The following PPP2R2D variants were observed in gnomAD, a reference collection of about 807,000 sequenced individuals.
PPP2R2D encodes the protein serine/threonine-protein phosphatase 2A 55 kDa regulatory subunit B delta isoform.
Under a neutral mutation model 31.1 loss-of-function variants are expected in PPP2R2D, and 9 were observed. The observed-to-expected ratio is 0.29, with a 90% CI of 0.17 to 0.51. The LOEUF (loss-of-function observed/expected upper bound fraction) is 0.51, where lower values mean the gene tolerates loss of function less well. PPP2R2D is among the 20% of genes least tolerant of loss of function. The probability of loss-of-function intolerance (pLI) is 0.98; values close to 1 mark genes in which losing one functional copy is unlikely to be tolerated. For synonymous variants in PPP2R2D, 179 were observed against 172.6 expected (o/e 1.04, Z -0.29); for missense variants, 391 against 465.6 (o/e 0.84, Z 1.48).
intron 2 of PPP2R2D, among the ~76,000 whole-genome samples, chr10:131,915,123 A>G (rs1208556921): frequency 6.6e-6 from 1 of 151,810 alleles, no homozygotes; most frequent in Admixed American, 6.6e-5. Context: ...TCTGTTCCAG[A>G]ATCTAGAATG....
chr10:131,970,691 C>G, the PPP2R2D span: 5 of 1,614,188 alleles, frequency 3.1e-6, no homozygotes, highest in Middle Eastern at 8.2e-4. This position sits in a 1 kb window ranked among gnomAD's most constrained non-coding sequence, Gnocchi z 4.1. Context: ...GGAAAACTTT[C>G]AGAAATTCTG....
rs976214439 is a variant in PPP2R2D at position 131,959,396 on chromosome 10, C to A, written c.*3433C>A. On this transcript the variant is annotated 3_prime_UTR_variant, in exon 9 of 9. Coordinates refer to ENST00000455566, the MANE Select transcript of PPP2R2D (RefSeq NM_018461.5). ...AGGCGTGTGCTGATCCGCCATCCCA[C>A]TGTGGAGATGAAGGTGTGTGCTGAT... 1 of 144,924 alleles carries A rather than the reference C, an allele frequency of 6.9e-6. No individual in the cohort carries two copies. Among genetic ancestry groups the A allele is most frequent in the African/African-American group, 2.6e-5 (1 of 37,942 alleles). The allele number at this position is 144,924 out of a possible 1,614,324, so 9.0% of individuals were successfully genotyped here.
intron 8 of PPP2R2D, among the ~76,000 whole-genome samples, chr10:131,952,514 T>C (rs113236071): frequency 6.5e-4 from 30 of 46,114 alleles, no homozygotes; most frequent in African/African-American, 2.8e-3. Flanking sequence ...TAGTGACTTG[T>C]GGGTGTGCGG....
At chr10:131,942,098 G>A (rs2036452799) in intron 5 of PPP2R2D, among the ~76,000 whole-genome samples, 1 of 152,044 alleles carries the variant, frequency 6.6e-6, no homozygotes. Context: ...CCCCGAGGGT[G>A]GGCACTTGAC....
intron 2 of PPP2R2D, among the ~76,000 whole-genome samples, chr10:131,917,971 G>T (rs1554893498): frequency 7.1e-6 from 1 of 141,804 alleles, no homozygotes; most frequent in African/African-American, 2.7e-5. Flanking sequence ...CCTCACACGG[G>T]TGGAATGACA....
At chr10:131,952,877 T>G (rs78468034) in intron 8 of PPP2R2D, among the ~76,000 whole-genome samples, 19 of 32,190 alleles carry the variant, frequency 5.9e-4, no homozygotes, top group South Asian at 9.7e-4. Flanking sequence ...CCCTGTCTTA[T>G]CAGTGACTTG....
At chr10:131,904,973 C>G (rs960685832) in intron 2 of PPP2R2D, among the ~76,000 whole-genome samples, 2 of 136,974 alleles carry the variant, frequency 1.5e-5, no homozygotes, top group Admixed American at 7.6e-5. Context: ...AAATTTGATG[C>G]GCACCCCACC....
intron 2 of PPP2R2D, among the ~76,000 whole-genome samples, chr10:131,929,204 C>T (rs1037604603): frequency 8.5e-5 from 13 of 152,218 alleles, no homozygotes; most frequent in Admixed American, 7.2e-4. Flanking sequence ...CCTGCTCAGG[C>T]GCCCCCTCCT....
intron 7 of PPP2R2D, among the ~76,000 whole-genome samples, chr10:131,946,345 C>T (rs1001336135): frequency 2.0e-5 from 3 of 152,166 alleles, no homozygotes; most frequent in African/African-American, 7.2e-5. Flanking sequence ...ACCCTTCCTC[C>T]AGTGCCAGCA....
chr10:131,949,589 TC>T (rs2119950987), intron 8 of PPP2R2D, among the ~76,000 whole-genome samples: 1 of 151,388 alleles, frequency 6.6e-6, no homozygotes, highest in East Asian at 1.9e-4. Flanking sequence ...GCTGTTGAGA[TC>T]CTAAGTTAAA....
chr10:131,962,026 C>T (rs77167868), downstream of PPP2R2D, among the ~76,000 whole-genome samples: 2,844 of 152,308 alleles, frequency 0.019, 40 homozygotes, highest in Middle Eastern at 0.044. Context: ...GCGGCACTGC[C>T]CTCCGGGGAG....
At chr10:131,967,949 C>T in the PPP2R2D span, 1 of 152,304 alleles carries the variant, frequency 6.6e-6, no homozygotes, top group Non-Finnish European at 1.5e-5. Context: ...AGTGTACGAA[C>T]TGTACAGCTG....
chr10:131,942,845 G>C (rs782600572), intron 5 of PPP2R2D, among the ~76,000 whole-genome samples: 1 of 152,208 alleles, frequency 6.6e-6, no homozygotes, highest in African/African-American at 2.4e-5. Flanking sequence ...TTTTAAGCCT[G>C]AACTTGGTAG....
chr10:131,952,252 C>G (rs2036658094), intron 8 of PPP2R2D, among the ~76,000 whole-genome samples: 1 of 78,226 alleles, frequency 1.3e-5, no homozygotes, highest in African/African-American at 5.4e-5. Flanking sequence ...TTGGGGGGTC[C>G]CTGTCTTAGC....
intron 5 of PPP2R2D, among the ~76,000 whole-genome samples, chr10:131,941,681 C>T (rs577147749): frequency 6.6e-6 from 1 of 152,284 alleles, no homozygotes; most frequent in East Asian, 1.9e-4. Flanking sequence ...GAGAGTGCTA[C>T]AGAGGACGCT....
chr10:131,939,506 T>C (rs1331478382), intron 3 of PPP2R2D, among the ~76,000 whole-genome samples: 2 of 108,530 alleles, frequency 1.8e-5, no homozygotes, highest in African/African-American at 3.9e-5. Context: ...GCAGACCTGC[T>C]CCAGAAAACA....
At chr10:131,905,520 C>G (rs922175155) in intron 2 of PPP2R2D, among the ~76,000 whole-genome samples, 1 of 152,210 alleles carries the variant, frequency 6.6e-6, no homozygotes, top group Non-Finnish European at 1.5e-5. Context: ...TGGCTGTCCC[C>G]CTTCCCACCC....
rs559582733 is a variant in PPP2R2D, at chr10:131,925,939, C to G, written c.101-8519C>G. On this transcript the variant is annotated intron_variant, in intron 2 of 8. Coordinates refer to ENST00000455566, the MANE Select transcript of PPP2R2D (RefSeq NM_018461.5). ...GCTCCGCCCCGTTTTTCAGCGCACA[C>G]ACAGGCCCTTAGTCTGAGCCACTCC... Among the ~76,000 whole-genome samples the G allele has an allele frequency of 2.6e-5, 4 of 152,326 alleles. No individual in the cohort carries two copies. The South Asian group carries it at 6.2e-4, about 24-fold the overall frequency.
chr10:131,944,575 G>C (rs1169047842), intron 6 of PPP2R2D, among the ~76,000 whole-genome samples: 1 of 152,166 alleles, frequency 6.6e-6, no homozygotes, highest in Non-Finnish European at 1.5e-5. Context: ...GCACAGTCTG[G>C]GTGGCCCCAG....
Sources: allele counts gnomAD v4.1 joint callset (sites outside exome capture counted in the v4.1 genomes callset), GRCh38; gene constraint gnomAD v4.1.1; non-coding constraint Gnocchi (gnomAD v3.1); transcripts MANE v1.5; gene names NCBI Gene and HGNC (gene_info 2026-07-23, HGNC 2026-07-21).